The following TRPM3 variants were observed in gnomAD, a reference collection of about 807,000 sequenced individuals.
The protein encoded by TRPM3 is long transient receptor potential channel 3.
Under a neutral mutation model 181.2 loss-of-function variants are expected in TRPM3, and 77 were observed. The observed-to-expected ratio is 0.42, with a 90% CI of 0.35 to 0.51. TRPM3 has a LOEUF of 0.51. Among genes scored for constraint, TRPM3 ranks in the 20% least tolerant of loss-of-function variants. The pLI, the probability that TRPM3 is intolerant of heterozygous loss-of-function variation, is 0.01. For synonymous variants in TRPM3, 745 were observed against 796.4 expected, an observed-to-expected ratio of 0.94 and a Z score of 1.09; for missense variants, 1,759 against 2,196.7, an observed-to-expected ratio of 0.80 and a Z score of 3.98.
chr9:71,192,744 A>G (rs1293369260), intron 1 of TRPM3, among the ~76,000 whole-genome samples: 2 of 151,800 alleles, frequency 1.3e-5, no homozygotes, highest in African/African-American at 2.4e-5. Flanking sequence ...TGCTATGCAT[A>G]AACTTTTTAG....
intron 3 of TRPM3, among the ~76,000 whole-genome samples, chr9:70,857,909 T>A (rs780498615): frequency 6.6e-6 from 1 of 152,160 alleles, no homozygotes; most frequent in Non-Finnish European, 1.5e-5. Flanking sequence ...AATTGCTGCA[T>A]CCAATCTCTC....
At chr9:71,295,440 C>G (rs940343317) in intron 1 of TRPM3, among the ~76,000 whole-genome samples, 1 of 149,868 alleles carries the variant, frequency 6.7e-6, no homozygotes, top group Non-Finnish European at 1.5e-5. Context: ...TAAATTAACT[C>G]CATCATGGTT....
intron 5 of TRPM3, among the ~76,000 whole-genome samples, chr9:70,834,577 A>C: frequency 6.6e-6 from 1 of 152,236 alleles, no homozygotes; most frequent in Non-Finnish European, 1.5e-5. Context: ...TGTGGCTTCC[A>C]AAACTGGGTT....
chr9:70,698,339 G>A (rs1190940865), intron 8 of TRPM3, among the ~76,000 whole-genome samples: 2 of 152,130 alleles, frequency 1.3e-5, no homozygotes, highest in African/African-American at 2.4e-5. Context: ...TTTCCGTCCT[G>A]TCTCTTACTA....
At chr9:71,081,945 C>T (rs980387282) in intron 1 of TRPM3, among the ~76,000 whole-genome samples, 8 of 151,860 alleles carry the variant, frequency 5.3e-5, no homozygotes, top group African/African-American at 1.9e-4. Flanking sequence ...CATTTACCTA[C>T]CCACCAATCT....
At chr9:71,223,478 C>A (rs1441685119) in intron 1 of TRPM3, among the ~76,000 whole-genome samples, 1 of 152,168 alleles carries the variant, frequency 6.6e-6, no homozygotes, top group Non-Finnish European at 1.5e-5. Flanking sequence ...AGTGTATTTA[C>A]AACTGTGGTA....
At chr9:71,381,545 G>A (rs750912659) in intron 1 of TRPM3, among the ~76,000 whole-genome samples, 13 of 152,224 alleles carry the variant, frequency 8.5e-5, no homozygotes, top group Non-Finnish European at 1.6e-4. Context: ...TTAAAAATAC[G>A]GTGGCACTAA....
chr9:71,219,631 T>C (rs549289969), intron 1 of TRPM3, among the ~76,000 whole-genome samples: 210 of 152,368 alleles, frequency 1.4e-3, no homozygotes, highest in African/African-American at 4.7e-3. Flanking sequence ...TATTTAAGCA[T>C]GTGCTACAGA....
chr9:70,852,633 C>T (rs931736264), intron 3 of TRPM3, among the ~76,000 whole-genome samples: 1 of 152,184 alleles, frequency 6.6e-6, no homozygotes, highest in Non-Finnish European at 1.5e-5. Context: ...GAGACACCAA[C>T]AGGCAGATTT....
At chr9:71,101,141 C>T (rs2068292126) in intron 1 of TRPM3, among the ~76,000 whole-genome samples, 1 of 152,182 alleles carries the variant, frequency 6.6e-6, no homozygotes. Flanking sequence ...CTACTTCTGA[C>T]TAACTCATTT....
At chr9:71,165,079 A>T (rs576675699) in intron 1 of TRPM3, among the ~76,000 whole-genome samples, 1 of 152,252 alleles carries the variant, frequency 6.6e-6, no homozygotes, top group African/African-American at 2.4e-5. Context: ...GCATATGTTT[A>T]TGATAAGGAC....
chr9:71,199,611 T>C (rs1425494199), intron 1 of TRPM3, among the ~76,000 whole-genome samples: 5 of 152,224 alleles, frequency 3.3e-5, no homozygotes, highest in African/African-American at 4.8e-5. Flanking sequence ...GGAGAGTGTA[T>C]GTGTCAAGGA....
intron 1 of TRPM3, among the ~76,000 whole-genome samples, chr9:70,939,275 A>G (rs368495819): frequency 2.0e-5 from 3 of 152,326 alleles, no homozygotes; most frequent in Middle Eastern, 3.4e-3. Context: ...TTTATTTATG[A>G]CAGAACTTTC....
At chr9:70,803,775 A>T (rs1027476308) in intron 6 of TRPM3, among the ~76,000 whole-genome samples, 1 of 144,432 alleles carries the variant, frequency 6.9e-6, no homozygotes, top group Non-Finnish European at 1.5e-5. Context: ...ACCTATAGCA[A>T]GCCACAACAA....
intron 1 of TRPM3, among the ~76,000 whole-genome samples, chr9:71,383,051 C>T (rs553016602): frequency 6.6e-6 from 1 of 152,206 alleles, no homozygotes; most frequent in South Asian, 2.1e-4. Flanking sequence ...GAAAGTAAAA[C>T]TAATTAGTTT....
intron 1 of TRPM3, among the ~76,000 whole-genome samples, chr9:71,130,116 TC>T (rs1163800775): frequency 6.6e-6 from 1 of 152,232 alleles, no homozygotes; most frequent in African/African-American, 2.4e-5. Context: ...ACCTGCATTT[TC>T]TAGTTGAGGA....
chr9:71,377,885 T>C (rs962710543), intron 1 of TRPM3, among the ~76,000 whole-genome samples: 3 of 152,098 alleles, frequency 2.0e-5, no homozygotes, highest in Admixed American at 6.6e-5. Flanking sequence ...ATGGGAACCA[T>C]GTATGGTTTT....
At chr9:70,948,272 T>C (rs2096958293) in intron 1 of TRPM3, among the ~76,000 whole-genome samples, 1 of 152,106 alleles carries the variant, frequency 6.6e-6, no homozygotes, top group African/African-American at 2.4e-5. Context: ...AAGAACCCCT[T>C]CTCAAATATA....
At chr9:71,442,693 C>A (rs970280709) in intron 1 of TRPM3, among the ~76,000 whole-genome samples, 4 of 152,084 alleles carry the variant, frequency 2.6e-5, no homozygotes, top group African/African-American at 9.7e-5. Context: ...TTATTTTTCT[C>A]TTTTTCCCAA....
Sources: allele counts gnomAD v4.1 joint callset (sites outside exome capture counted in the v4.1 genomes callset), GRCh38; gene constraint gnomAD v4.1.1; transcripts MANE v1.5; gene names NCBI Gene and HGNC (gene_info 2026-07-23, HGNC 2026-07-21).